Variants in MCF2L observed in about 807,000 individuals in gnomAD.
MCF2L encodes guanine nucleotide exchange factor DBS.
MCF2L carries 97 observed loss-of-function variants against 153.4 expected under a neutral mutation model. The observed-to-expected ratio is 0.63, with a 90% CI of 0.54 to 0.75. The LOEUF (loss-of-function observed/expected upper bound fraction) is 0.75, where lower values mean the gene tolerates loss of function less well. MCF2L is among the 30% of genes least tolerant of loss of function. The pLI is 0.00. For synonymous variants in MCF2L, 659 were observed against 632.2 expected (o/e 1.04, Z -0.64); for missense variants, 1,347 against 1,495.2 (o/e 0.90, Z 1.64).
chr13:112,936,279 CAAAAAAAAAAAAAA>C (rs34826552), intron 2 of MCF2L, among the ~76,000 whole-genome samples: 1 of 74,280 alleles, frequency 1.3e-5, no homozygotes, highest in Non-Finnish European at 2.5e-5. Context: ...GACTCTGTCT[CAAAAAAAAAAAAAA>C]AAAAAAAAAA....
Position 113,089,801 on chromosome 13 carries a change from C to T in MCF2L, c.2953+73C>T, listed in dbSNP as rs189390307. ...CTGCTCACGGAGTGCTCACTGCATCCGAGAAACCTGCGCTTCCTGCAGTGT... is the reference window on the plus strand; with the variant it reads ...CTGCTCACGGAGTGCTCACTGCATCTGAGAAACCTGCGCTTCCTGCAGTGT... On this transcript the variant is annotated intron_variant, in intron 26 of 29. Transcript: ENST00000535094. The T allele has an allele frequency of 5.3e-3, 8,435 of 1,601,514 alleles. 34 individuals carry two copies. Among genetic ancestry groups the T allele is most frequent in the Middle Eastern group, 6.2e-3 (37 of 6,008 alleles).
At chr13:112,909,228 A>G in intron 2 of MCF2L, 1 of 779,696 alleles carries the variant, frequency 1.3e-6, no homozygotes, top group Non-Finnish European at 2.4e-6. Context: ...CCAGATGTCT[A>G]ATCCCTTGCT....
At chr13:112,980,020 G>T (rs1291036516) in intron 1 of MCF2L, among the ~76,000 whole-genome samples, 1 of 152,176 alleles carries the variant, frequency 6.6e-6, no homozygotes, top group African/African-American at 2.4e-5. Context: ...TTTCCGCTCC[G>T]ATTGGAAAGA....
intron 27 of MCF2L, chr13:113,095,185 T>G (rs2035545249): frequency 2.4e-6 from 3 of 1,247,876 alleles, no homozygotes; most frequent in Non-Finnish European, 3.1e-6. Context: ...AAAGCTGCCA[T>G]GTGTTAATCA....
intron 3 of MCF2L, among the ~76,000 whole-genome samples, chr13:113,041,394 G>A (rs186362059): frequency 6.0e-4 from 92 of 152,094 alleles, no homozygotes; most frequent in African/African-American, 2.2e-3. Context: ...CATGGGCCGT[G>A]GGGGGGCGGG....
chr13:112,913,870 C>G (rs1490505719), intron 2 of MCF2L, among the ~76,000 whole-genome samples: 3 of 152,210 alleles, frequency 2.0e-5, no homozygotes, highest in South Asian at 2.1e-4. Flanking sequence ...GCTCTGTCTT[C>G]TCAGCACTGC....
chr13:112,917,015 C>T (rs2081299308), intron 2 of MCF2L: 2 of 465,260 alleles, frequency 4.3e-6, no homozygotes. Context: ...AGTCATCCTC[C>T]CTCATCGCCA....
At chr13:112,987,569 G>T (rs1250563909) in intron 1 of MCF2L, among the ~76,000 whole-genome samples, 1 of 152,252 alleles carries the variant, frequency 6.6e-6, no homozygotes. Context: ...TAAGGAGGAG[G>T]CCGGGTGTGA....
intron 2 of MCF2L, among the ~76,000 whole-genome samples, chr13:112,918,000 G>A (rs1000381895): frequency 6.6e-6 from 1 of 152,172 alleles, no homozygotes; most frequent in Non-Finnish European, 1.5e-5. Context: ...AGTCCCCTGG[G>A]ACTTTGTATC....
At chr13:112,924,807 A>G (rs9603804) in intron 2 of MCF2L, among the ~76,000 whole-genome samples, 26,968 of 152,170 alleles carry the variant, frequency 0.18, 2,663 homozygotes, top group African/African-American at 0.25. Context: ...TCAGAGGGGA[A>G]TGGGCTGCCC....
Position 113,085,176 on chromosome 13 carries a change from A to G in MCF2L, c.2245A>G (p.Lys749Glu). ...GATCACCAAGTACCAGCTGCTGCTCAAGGTGGGCTCCGCGGTGACCGTGGC... is the reference window on the plus strand; with the variant it reads ...GATCACCAAGTACCAGCTGCTGCTCGAGGTGGGCTCCGCGGTGACCGTGGC... ...QRITKYQLLL[K>E]EMLKYSRNCE... The change falls in exon 20 of 30, where the codon AAG (lysine) becomes GAG (glutamate). Residue 749 changes from lysine to glutamate, a missense_variant and splice_region_variant. This residue lies in a region of MCF2L where 144 missense variants were observed against 238.7 expected (regional missense o/e 0.60). Coordinates refer to ENST00000535094, the MANE Select transcript of MCF2L (RefSeq NM_001112732.3). The G allele has an allele frequency of 6.2e-7, 1 of 1,613,104 alleles. No homozygotes were observed. Among genetic ancestry groups the G allele is most frequent in the Non-Finnish European group, 8.5e-7 (1 of 1,179,852 alleles).
At chr13:112,937,816 AGTGG>A (rs1340160928) in intron 2 of MCF2L, among the ~76,000 whole-genome samples, 66 of 147,142 alleles carry the variant, frequency 4.5e-4, no homozygotes, top group Middle Eastern at 3.6e-3. Context: ...GTGTGCTCTG[AGTGG>A]TTGGTTCAGG....
intron 1 of MCF2L, among the ~76,000 whole-genome samples, chr13:112,899,818 G>A (rs902327683): frequency 3.3e-5 from 5 of 152,200 alleles, no homozygotes; most frequent in Non-Finnish European, 7.3e-5. Context: ...CGGGCCGCGC[G>A]TGCCATCTGC....
At chr13:112,955,610 G>GA (rs1434550671) in intron 2 of MCF2L, among the ~76,000 whole-genome samples, 2 of 152,180 alleles carry the variant, frequency 1.3e-5, no homozygotes, top group African/African-American at 4.8e-5. Context: ...GTCACCCCCT[G>GA]ATAACTAGGA....
chr13:112,939,572 G>A, intron 2 of MCF2L, among the ~76,000 whole-genome samples: 1 of 152,208 alleles, frequency 6.6e-6, no homozygotes. Flanking sequence ...CTGCCTGGCT[G>A]TCAGTCACCT....
intron 2 of MCF2L, among the ~76,000 whole-genome samples, chr13:112,916,058 AT>A (rs2081288580): frequency 6.6e-6 from 1 of 150,946 alleles, no homozygotes; most frequent in African/African-American, 2.5e-5. Context: ...AAAAAAAAAA[AT>A]TAGCCGGGCA....
intron 14 of MCF2L, 34 bp downstream of exon 14, chr13:113,078,470 A>G: frequency 6.3e-7 from 1 of 1,577,586 alleles, no homozygotes; most frequent in Non-Finnish European, 8.7e-7. Context: ...CGCCATCCAC[A>G]CCCCCCTCCT....
intron 1 of MCF2L, among the ~76,000 whole-genome samples, chr13:112,997,792 C>A (rs961534030): frequency 6.6e-6 from 1 of 152,250 alleles, no homozygotes; most frequent in African/African-American, 2.4e-5. Context: ...GGCCTCAGGC[C>A]CCCCGGGTGT....
At chr13:112,926,546 G>A (rs1460872572) in intron 2 of MCF2L, among the ~76,000 whole-genome samples, 1 of 152,206 alleles carries the variant, frequency 6.6e-6, no homozygotes, top group African/African-American at 2.4e-5. Flanking sequence ...CATGCACAGG[G>A]GGGTGCTGTG....
Sources: allele counts gnomAD v4.1 joint callset (sites outside exome capture counted in the v4.1 genomes callset), GRCh38; gene constraint gnomAD v4.1.1; regional missense constraint gnomAD v4.1.1; transcripts MANE v1.5; gene names NCBI Gene and HGNC (gene_info 2026-07-23, HGNC 2026-07-21).